The following HERC3 variants were observed in gnomAD, a reference collection of about 807,000 sequenced individuals.
HERC3 encodes HECT and RLD domain containing E3 ubiquitin protein ligase 3, also known as probable E3 ubiquitin-protein ligase HERC3.
A neutral mutation model predicts 129.9 loss-of-function variants in HERC3; 58 were observed. The ratio of observed to expected loss-of-function variants is 0.45; its 90% CI spans 0.36 to 0.56. The LOEUF is 0.56. Among genes scored for constraint, HERC3 ranks in the 20% least tolerant of loss-of-function variants. The pLI is 0.00. For synonymous variants in HERC3, 430 were observed against 451.0 expected (o/e 0.95, Z 0.59); for missense variants, 835 against 1,244.2 (o/e 0.67, Z 4.95).
intron 2 of HERC3, among the ~76,000 whole-genome samples, chr4:88,599,940 C>G (rs1251501227): frequency 6.6e-6 from 1 of 152,312 alleles, no homozygotes; most frequent in African/African-American, 2.4e-5. Context: ...TATCTACTTT[C>G]TAAGCTCCTT....
intron 10 of HERC3, among the ~76,000 whole-genome samples, chr4:88,661,254 G>A (rs1401521001): frequency 2.0e-5 from 3 of 152,174 alleles, no homozygotes. Flanking sequence ...TGAGTTTCCT[G>A]TATGTTGTAC....
At chr4:88,698,369 A>G (rs1488449720) in intron 23 of HERC3, among the ~76,000 whole-genome samples, 1 of 151,360 alleles carries the variant, frequency 6.6e-6, no homozygotes, top group Admixed American at 6.6e-5. Flanking sequence ...TGTCCACCCA[A>G]CACCCCCTTG....
intron 9 of HERC3, 57 bp downstream of exon 9, chr4:88,656,092 T>C: frequency 6.5e-7 from 1 of 1,549,984 alleles, no homozygotes. Flanking sequence ...AACAGTTGTT[T>C]ACAGAATATG....
At chr4:88,698,172 A>G (rs924625113) in intron 23 of HERC3, among the ~76,000 whole-genome samples, 4 of 152,094 alleles carry the variant, frequency 2.6e-5, no homozygotes, top group Admixed American at 1.3e-4. Context: ...TACAAATGCC[A>G]GTGCATATGT....
At chr4:88,618,375 C>A (rs769378500) in intron 3 of HERC3, among the ~76,000 whole-genome samples, 9 of 152,112 alleles carry the variant, frequency 5.9e-5, no homozygotes, top group Non-Finnish European at 1.0e-4. Context: ...GGTGAATGGG[C>A]ATATAGTCAT....
the HERC3 span, among the ~76,000 whole-genome samples, chr4:88,564,746 A>C: frequency 6.6e-6 from 1 of 151,900 alleles, no homozygotes; most frequent in African/African-American, 2.4e-5. Flanking sequence ...TCTGATCTTT[A>C]TTATTTCATT....
At chr4:88,636,856 C>A (rs1560702779) in intron 3 of HERC3, among the ~76,000 whole-genome samples, 2 of 152,240 alleles carry the variant, frequency 1.3e-5, no homozygotes, top group East Asian at 3.9e-4. Flanking sequence ...ACACAACTGG[C>A]CAGGTGCGAT....
intron 23 of HERC3, chr4:88,697,686 T>TGCCGCTGCCTCC: frequency 1.9e-6 from 3 of 1,611,596 alleles, no homozygotes; most frequent in Non-Finnish European, 1.7e-6. Context: ...TTACCTCCTC[T>TGCCGCTGCCTCC]GCCGCTGCCT....
intron 16 of HERC3, among the ~76,000 whole-genome samples, chr4:88,675,451 C>G (rs1204818224): frequency 6.6e-6 from 1 of 152,088 alleles, no homozygotes; most frequent in South Asian, 2.1e-4. Flanking sequence ...TGAGAATACA[C>G]CCATGGTTTT....
At chr4:88,560,538 TATTTC>T in the HERC3 span, among the ~76,000 whole-genome samples, 1 of 152,186 alleles carries the variant, frequency 6.6e-6, no homozygotes, top group Non-Finnish European at 1.5e-5. Flanking sequence ...CATAGGCTTC[TATTTC>T]TTTTTCCTGA....
the HERC3 span, among the ~76,000 whole-genome samples, chr4:88,542,531 C>T: frequency 6.6e-6 from 1 of 152,166 alleles, no homozygotes; most frequent in Non-Finnish European, 1.5e-5. Context: ...GGTACCATTC[C>T]TTCTGAAACT....
chr4:88,525,492 C>A, the HERC3 span, among the ~76,000 whole-genome samples: 3 of 152,154 alleles, frequency 2.0e-5, no homozygotes, highest in East Asian at 5.8e-4. Context: ...GGGAAGGCAC[C>A]CATGCTTAAG....
chr4:88,553,947 G>C, the HERC3 span, among the ~76,000 whole-genome samples: 1 of 152,174 alleles, frequency 6.6e-6, no homozygotes, highest in Non-Finnish European at 1.5e-5. Flanking sequence ...ATTTGGTAAG[G>C]GGGTAATAAC....
the HERC3 span, among the ~76,000 whole-genome samples, chr4:88,542,521 G>A: frequency 2.0e-3 from 299 of 152,234 alleles, no homozygotes; most frequent in Admixed American, 3.1e-3. Flanking sequence ...AAGAGGAGCT[G>A]GTACCATTCC....
intron 23 of HERC3, chr4:88,689,876 C>T: frequency 2.0e-6 from 1 of 497,362 alleles, no homozygotes; most frequent in Non-Finnish European, 2.6e-6. Flanking sequence ...CCGCTCCTGG[C>T]CCATCCTTGA....
chr4:88,670,797 C>T (rs908569637), intron 16 of HERC3, among the ~76,000 whole-genome samples: 9 of 152,002 alleles, frequency 5.9e-5, no homozygotes, highest in African/African-American at 1.5e-4. Flanking sequence ...TCTGGCAACA[C>T]GACCTGTCTT....
At chr4:88,623,936 C>T (rs1725819146) in intron 3 of HERC3, among the ~76,000 whole-genome samples, 1 of 152,180 alleles carries the variant, frequency 6.6e-6, no homozygotes, top group Non-Finnish European at 1.5e-5. Context: ...TCTCATTTCC[C>T]TTTATGTCAA....
At position 88,693,217 on chromosome 4, in the gene HERC3, T is replaced by C. The variant is rs1734254516; in HGVS notation, c.2657+5918T>C. On this transcript the variant is annotated intron_variant, in intron 23 of 25. Transcript: ENST00000402738. ...TTCTCTTCCCCCCCACCACCATTTT[T>C]AATAAGACTATATCAAGTATCTTTT... 3.1e-6 allele frequency: 3 copies of C among 980,298 alleles called. No individual in the cohort carries two copies. In the African/African-American group the frequency reaches 5.3e-5, roughly 17 times the overall value. The allele number at this position is 980,298 out of a possible 1,614,324, so 60.7% of individuals were successfully genotyped here.
chr4:88,593,035 T>C (rs564111185), intron 1 of HERC3, among the ~76,000 whole-genome samples: 2 of 147,182 alleles, frequency 1.4e-5, no homozygotes, highest in South Asian at 4.3e-4. Context: ...GCGCGGACGC[T>C]TTCAATTGAA....
Sources: allele counts gnomAD v4.1 joint callset (sites outside exome capture counted in the v4.1 genomes callset), GRCh38; gene constraint gnomAD v4.1.1; transcripts MANE v1.5; gene names NCBI Gene and HGNC (gene_info 2026-07-23, HGNC 2026-07-21).